The following FKBP15 variants were observed in gnomAD, a reference collection of about 807,000 sequenced individuals.
FKBP15 encodes the protein FK506-binding protein 15.
A neutral mutation model predicts 158.1 loss-of-function variants in FKBP15; 106 were observed. That is an observed-to-expected ratio of 0.67 (90% confidence interval 0.57 to 0.79). FKBP15 has a LOEUF of 0.79. Among genes scored for constraint, FKBP15 ranks in the 30% least tolerant of loss-of-function variants. FKBP15 has a pLI of 0.00. For missense variants in FKBP15, 1,287 were observed against 1,479.1 expected, an observed-to-expected ratio of 0.87 and a Z score of 2.13; for synonymous variants, 547 against 548.6, an observed-to-expected ratio of 1.00 and a Z score of 0.04.
At chr9:113,173,731 C>T in intron 22 of FKBP15, 126 bp from the exon 23 acceptor site, 1 of 957,590 alleles carries the variant, frequency 1.0e-6, no homozygotes, top group Non-Finnish European at 1.6e-6. Context: ...AACTGGGAAA[C>T]TGTTTAAAAG....
intron 1 of FKBP15, among the ~76,000 whole-genome samples, chr9:113,218,368 T>C (rs1831183269): frequency 1.7e-5 from 2 of 121,136 alleles, no homozygotes; most frequent in South Asian, 5.3e-4. Flanking sequence ...TAGAGAGGAG[T>C]AAATACAATT....
intron 12 of FKBP15, 81 bp from the exon 13 acceptor site, chr9:113,188,572 G>C: frequency 9.1e-7 from 1 of 1,104,422 alleles, no homozygotes; most frequent in South Asian, 1.4e-5. Flanking sequence ...CCCTAAACCT[G>C]CTTCCAACAC....
At chr9:113,196,524 C>T (rs1277358400) in intron 9 of FKBP15, among the ~76,000 whole-genome samples, 1 of 152,054 alleles carries the variant, frequency 6.6e-6, no homozygotes, top group African/African-American at 2.4e-5. Flanking sequence ...GCTGGGACTA[C>T]AGGCGCATGC....
chr9:113,188,253 G>A, intron 13 of FKBP15, 136 bp downstream of exon 13: 2 of 711,770 alleles, frequency 2.8e-6, no homozygotes, highest in Non-Finnish European at 2.3e-6. Flanking sequence ...GGGACAAACT[G>A]ACAAGCGTCA....
intron 17 of FKBP15, 133 bp from the exon 18 acceptor site, chr9:113,183,978 T>C (rs1830444906): frequency 4.4e-6 from 3 of 677,634 alleles, no homozygotes; most frequent in Non-Finnish European, 7.7e-6. Flanking sequence ...TATGTCCACA[T>C]GTATGTTAAA....
chr9:113,194,375 C>T (rs1314888639), intron 9 of FKBP15, among the ~76,000 whole-genome samples: 2 of 150,912 alleles, frequency 1.3e-5, no homozygotes, highest in African/African-American at 4.9e-5. Context: ...ATGTAACTAA[C>T]CTGCACAATG....
chr9:113,211,835 T>C (rs535446743), intron 1 of FKBP15, among the ~76,000 whole-genome samples: 1 of 152,286 alleles, frequency 6.6e-6, no homozygotes, highest in South Asian at 2.1e-4. Context: ...ACATCATCAG[T>C]TGACCCTGTT....
chr9:113,169,188 T>C (rs1442124542), intron 26 of FKBP15, 36 bp downstream of exon 26: 4 of 1,578,798 alleles, frequency 2.5e-6, no homozygotes, highest in African/African-American at 1.4e-5. Flanking sequence ...CACAGATAAC[T>C]ACCCTGTCCC....
chr9:113,192,179 G>A (rs1274132456), intron 11 of FKBP15, among the ~76,000 whole-genome samples: 2 of 152,118 alleles, frequency 1.3e-5, no homozygotes, highest in African/African-American at 4.8e-5. Context: ...TCAAAGATCT[G>A]AGATAATAAT....
At chr9:113,191,712 T>C (rs190816008) in intron 11 of FKBP15, among the ~76,000 whole-genome samples, 65 of 149,832 alleles carry the variant, frequency 4.3e-4, no homozygotes, top group Non-Finnish European at 7.7e-4. Flanking sequence ...TATGCTACTT[T>C]GTGTGTGTGA....
At position 113,184,878 on chromosome 9, in the gene FKBP15, T is replaced by C. The variant is rs1424673924; in HGVS notation, c.1499-74A>G. ...AACTGTATGAAGAAAAGCTAGTAGC[T>C]CTTCCAGTAAAGAAAGAAATTAATA... On this transcript the variant is annotated intron_variant, in intron 15 of 27. Coordinates refer to ENST00000238256, the MANE Select transcript of FKBP15 (RefSeq NM_015258.2). The surrounding 1 kb of genome is among the most constrained non-coding windows in gnomAD (Gnocchi z 4.5). 1.7e-6 allele frequency: 2 copies of C among 1,155,022 alleles called. No individual in the cohort carries two copies. The highest frequency in any genetic ancestry group is 2.6e-5 in the East Asian group (1 of 39,138). 71.5% of individuals were successfully genotyped at this position (1,155,022 alleles called of 1,614,324 possible).
In FKBP15 at chr9:113,198,817, A is replaced by G. The variant is rs2118920564; in HGVS notation, c.717+38T>C. ...TTTAATCTAAGTTAAACCCACTGCA[A>G]CTGATAAAACCATAAAAAAACACAG... On this transcript the variant is annotated intron_variant, in intron 8 of 27. Coordinates refer to ENST00000238256, the MANE Select transcript of FKBP15 (RefSeq NM_015258.2). This position sits in a 1 kb window ranked among gnomAD's most constrained non-coding sequence, Gnocchi z 5.2. 7.0e-7 allele frequency: 1 copy of G among 1,431,856 alleles called. No homozygotes were observed. Among genetic ancestry groups the G allele is most frequent in the Middle Eastern group, 1.8e-4 (1 of 5,660 alleles). The allele number at this position is 1,431,856 out of a possible 1,614,324, so 88.7% of individuals were successfully genotyped here. A position where few individuals can be genotyped will look rare whatever the true frequency, so the allele number is the denominator to read the frequency against.
At position 113,163,161 on chromosome 9, in the gene FKBP15, C is replaced by A; in HGVS notation, c.*2917G>T. On this transcript the variant is annotated 3_prime_UTR_variant, in exon 28 of 28. Coordinates refer to ENST00000238256, the MANE Select transcript of FKBP15 (RefSeq NM_015258.2). ...TGTGTCTTAAGACAGCTGCTGTGACCAAAGGGAGAATGGAGATAACAGGGG... is the reference window on the plus strand; with the variant it reads ...TGTGTCTTAAGACAGCTGCTGTGACAAAAGGGAGAATGGAGATAACAGGGG... 2.9e-6 allele frequency: 1 copy of A among 340,946 alleles called. No individual in the cohort carries two copies. The highest frequency in any genetic ancestry group is 5.3e-6 in the Non-Finnish European group (1 of 188,624). 21.1% of individuals were successfully genotyped at this position (340,946 alleles called of 1,614,324 possible).
At chr9:113,214,743 A>G (rs897094176) in intron 1 of FKBP15, among the ~76,000 whole-genome samples, 1 of 152,234 alleles carries the variant, frequency 6.6e-6, no homozygotes, top group South Asian at 2.1e-4. Flanking sequence ...TCTTCTTCCA[A>G]TAGAAAGCTG....
intron 4 of FKBP15, 93 bp downstream of exon 4, chr9:113,206,416 G>T: frequency 1.1e-6 from 1 of 932,916 alleles, no homozygotes; most frequent in Non-Finnish European, 1.7e-6. Flanking sequence ...CTTATCTTCT[G>T]ATAAACAAGA....
chr9:113,216,646 A>C (rs1001982059), intron 1 of FKBP15, among the ~76,000 whole-genome samples: 2 of 152,216 alleles, frequency 1.3e-5, no homozygotes, highest in African/African-American at 4.8e-5. Flanking sequence ...AAATGTACAA[A>C]GCTTAGCACC....
At chr9:113,180,125 C>T (rs1449183912) in intron 19 of FKBP15, among the ~76,000 whole-genome samples, 3 of 152,128 alleles carry the variant, frequency 2.0e-5, no homozygotes, top group African/African-American at 7.2e-5. Context: ...CAAAGGCGTG[C>T]CAATGAAATG....
At chr9:113,193,660 T>G (rs1830616863) in intron 10 of FKBP15, 111 bp from the exon 11 acceptor site, 1 of 865,908 alleles carries the variant, frequency 1.2e-6, no homozygotes, top group South Asian at 1.5e-5. Context: ...ATTTAATGAC[T>G]GTAAAACAGA....
chr9:113,217,928 T>C lies in FKBP15; in HGVS notation c.53+3263A>G, dbSNP rs117355354. On this transcript the variant is annotated intron_variant, in intron 1 of 27. Transcript: ENST00000238256. Reference sequence around the variant, plus strand: ...CTCAAATGTACACAATCTCCCTATGTTGGCAAGAATGAGCTTGCTAACTCT... The same window carrying C: ...CTCAAATGTACACAATCTCCCTATGCTGGCAAGAATGAGCTTGCTAACTCT... Among the ~76,000 whole-genome samples the C allele has an allele frequency of 7.4e-3, 1,125 of 152,286 alleles. 5 individuals are homozygous for C. The highest frequency in any genetic ancestry group is 0.012 in the Non-Finnish European group (833 of 68,026).
Sources: allele counts gnomAD v4.1 joint callset (sites outside exome capture counted in the v4.1 genomes callset), GRCh38; gene constraint gnomAD v4.1.1; non-coding constraint Gnocchi (gnomAD v3.1); transcripts MANE v1.5; gene names NCBI Gene and HGNC (gene_info 2026-07-23, HGNC 2026-07-21).